The following NEGR1 variants were observed in gnomAD, a reference collection of about 807,000 sequenced individuals.
The protein encoded by NEGR1 is IgLON family member 4.
Under a neutral mutation model 40.9 loss-of-function variants are expected in NEGR1, and 10 were observed. The observed-to-expected ratio is 0.24, with a 90% confidence interval of 0.15 to 0.42. The LOEUF (loss-of-function observed/expected upper bound fraction) is 0.42. NEGR1 is among the 10% of genes least tolerant of loss of function. The probability of loss-of-function intolerance (pLI) is 1.00; values close to 1 mark genes in which losing one functional copy is unlikely to be tolerated. For synonymous variants in NEGR1, 185 were observed against 166.8 expected, an observed-to-expected ratio of 1.11 and a Z score of -0.84; for missense variants, 352 against 438.9, an observed-to-expected ratio of 0.80 and a Z score of 1.77.
At chr1:71,724,386 T>G (rs910559592) in intron 3 of NEGR1, among the ~76,000 whole-genome samples, 2 of 152,186 alleles carry the variant, frequency 1.3e-5, no homozygotes, top group Non-Finnish European at 2.9e-5. Flanking sequence ...ATTTTTTGTA[T>G]AAACAGAATA....
At chr1:72,274,411 C>T in intron 1 of NEGR1, 1 of 475,630 alleles carries the variant, frequency 2.1e-6, no homozygotes, top group Admixed American at 3.6e-5. Context: ...TTAGAATCTC[C>T]TGAACCTCAA....
At chr1:72,048,874 A>G (rs1647028903) in intron 1 of NEGR1, among the ~76,000 whole-genome samples, 1 of 151,610 alleles carries the variant, frequency 6.6e-6, no homozygotes, top group Admixed American at 6.6e-5. Context: ...ATATTCTCCT[A>G]TTACAATCCT....
intron 1 of NEGR1, among the ~76,000 whole-genome samples, chr1:72,049,609 G>C (rs1007704927): frequency 6.6e-6 from 1 of 151,572 alleles, no homozygotes; most frequent in Non-Finnish European, 1.5e-5. Context: ...TTAGCCTCAA[G>C]CTCATTCCTC....
chr1:71,411,053 A>G (rs1646316447), intron 6 of NEGR1, among the ~76,000 whole-genome samples: 1 of 152,154 alleles, frequency 6.6e-6, no homozygotes, highest in Non-Finnish European at 1.5e-5. Context: ...AAGCCAAGAT[A>G]TATTATAAAT....
rs1429414064 is a variant in NEGR1, at chr1:71,504,088, G to C, written c.940+88729C>G. Among the ~76,000 whole-genome samples the C allele has an allele frequency of 2.0e-5, 3 of 149,690 alleles. No individual in the cohort carries two copies. In the Admixed American group the frequency reaches 2.0e-4, roughly 10 times the overall value. On this transcript the variant is annotated intron_variant, in intron 6 of 6. Transcript: ENST00000357731. ...AGGAAACACCCTCTGCATTCCTGCA[G>C]AGGCTCAGAAATTAGATAAAAAAAT... is the stretch of plus-strand genomic sequence containing the variant.
At chr1:71,908,583 T>G (rs1661342128) in intron 2 of NEGR1, among the ~76,000 whole-genome samples, 1 of 152,164 alleles carries the variant, frequency 6.6e-6, no homozygotes, top group Non-Finnish European at 1.5e-5. Context: ...GTCCTCCAAC[T>G]GGGACAAAAA....
rs1385755608 is a variant in NEGR1, at chr1:71,402,420, G to C, written c.*5026C>G. The C allele has an allele frequency of 6.6e-6, 1 of 152,144 alleles. No individual in the cohort carries two copies. Among genetic ancestry groups the C allele is most frequent in the Non-Finnish European group, 1.5e-5 (1 of 68,022 alleles). The allele number at this position is 152,144 out of a possible 1,614,324, so 9.4% of individuals were successfully genotyped here. On this transcript the variant is annotated 3_prime_UTR_variant, in exon 7 of 7. Transcript: ENST00000357731. ...TGAAGGAAAGCCCTGGGAGAGATTGGTCTAGCTTTAGGATGACTGTGGGTA... is the reference window on the plus strand; with the variant it reads ...TGAAGGAAAGCCCTGGGAGAGATTGCTCTAGCTTTAGGATGACTGTGGGTA...
intron 6 of NEGR1, among the ~76,000 whole-genome samples, chr1:71,505,667 C>G (rs1647028015): frequency 6.6e-6 from 1 of 152,170 alleles, no homozygotes; most frequent in African/African-American, 2.4e-5. Flanking sequence ...GCAGTCCCTT[C>G]TACTTTAGGA....
At chr1:72,043,928 G>T (rs1646978175) in intron 1 of NEGR1, among the ~76,000 whole-genome samples, 1 of 151,484 alleles carries the variant, frequency 6.6e-6, no homozygotes, top group African/African-American at 2.4e-5. Context: ...CAGAATAAAT[G>T]CTTTTTATTT....
intron 3 of NEGR1, 118 bp from the exon 4 acceptor site, chr1:71,698,257 G>C (rs1259182147): frequency 1.2e-6 from 1 of 866,528 alleles, no homozygotes; most frequent in East Asian, 2.7e-5. Flanking sequence ...AATGAAACTG[G>C]GGAATTATTA....
At position 72,279,568 on chromosome 1, in the gene NEGR1, A is replaced by G. The variant is rs552106413; in HGVS notation, c.176+2751T>C. On this transcript the variant is annotated intron_variant, in intron 1 of 6. Transcript: ENST00000357731. ...TTCATTCATGTATTTTGATGGGACA[A>G]GGGCATATGTTTGAAGGGTAGAATT... Among the ~76,000 whole-genome samples, 66 of 152,314 alleles carry G rather than the reference A, an allele frequency of 4.3e-4. 1 individual carries two copies. Among genetic ancestry groups the G allele is most frequent in the African/African-American group, 1.4e-3 (60 of 41,576 alleles).
At position 71,885,286 on chromosome 1, in the gene NEGR1, T is replaced by C. The variant is rs865796574; in HGVS notation, c.409+49793A>G. The stretch of plus-strand genomic sequence containing the variant: ...ATTACACTTTCTGCATTTCAAACCA[T>C]TGAGGTACTTATGGCTAGAGAGAAC... On this transcript the variant is annotated intron_variant, in intron 2 of 6. Coordinates refer to ENST00000357731, the MANE Select transcript of NEGR1 (RefSeq NM_173808.3). Among the ~76,000 whole-genome samples the C allele has an allele frequency of 4.6e-5, 7 of 152,332 alleles. No individual in the cohort carries two copies. In the East Asian group the frequency reaches 5.8e-4, roughly 13 times the overall value.
chr1:72,101,048 C>T (rs1384651135), intron 1 of NEGR1: 6 of 152,198 alleles, frequency 3.9e-5, no homozygotes, highest in Admixed American at 6.6e-5. Flanking sequence ...GTCAAAAGCC[C>T]CATCTCCATT....
At chr1:71,907,166 C>T (rs565368482) in intron 2 of NEGR1, among the ~76,000 whole-genome samples, 1 of 152,134 alleles carries the variant, frequency 6.6e-6, no homozygotes, top group East Asian at 1.9e-4. Flanking sequence ...ATGGGTTAAA[C>T]TCATGCTTCC....
intron 1 of NEGR1, among the ~76,000 whole-genome samples, chr1:71,943,141 A>G (rs909402251): frequency 7.7e-5 from 11 of 142,562 alleles, no homozygotes; most frequent in Admixed American, 2.1e-4. Context: ...ATGTGTGTGT[A>G]TATATATATA....
intron 1 of NEGR1, among the ~76,000 whole-genome samples, chr1:71,976,900 A>C (rs17092014): frequency 0.025 from 3,852 of 152,346 alleles, 109 homozygotes; most frequent in African/African-American, 0.068. Context: ...AAATAGTGAG[A>C]CATTTAATAT....
chr1:71,869,056 C>CTA (rs1660201645), intron 2 of NEGR1, among the ~76,000 whole-genome samples: 1 of 152,192 alleles, frequency 6.6e-6, no homozygotes, highest in Non-Finnish European at 1.5e-5. Context: ...GTTTCCTACA[C>CTA]TACACCAAAA....
chr1:71,960,611 G>A (rs1646156998), intron 1 of NEGR1, among the ~76,000 whole-genome samples: 1 of 152,154 alleles, frequency 6.6e-6, no homozygotes, highest in Non-Finnish European at 1.5e-5. Flanking sequence ...TTATTTTACT[G>A]TTATTAGGTT....
chr1:72,271,152 A>C (rs1480099176), intron 1 of NEGR1, among the ~76,000 whole-genome samples: 1 of 151,920 alleles, frequency 6.6e-6, no homozygotes, highest in African/African-American at 2.4e-5. Context: ...AAAACTAAGC[A>C]ATCATGATAG....
Sources: allele counts gnomAD v4.1 joint callset (sites outside exome capture counted in the v4.1 genomes callset), GRCh38; gene constraint gnomAD v4.1.1; transcripts MANE v1.5; gene names NCBI Gene and HGNC (gene_info 2026-07-23, HGNC 2026-07-21).